The following ZNF451 variants were observed in gnomAD, a reference collection of about 807,000 sequenced individuals.
The protein encoded by ZNF451 is zinc finger protein 451.
Under a neutral mutation model 107.1 loss-of-function variants are expected in ZNF451, and 80 were observed. The ratio of observed to expected loss-of-function variants is 0.75; its 90% CI spans 0.62 to 0.90. The LOEUF is 0.90. ZNF451 is among the 40% of genes least tolerant of loss of function. The pLI is 0.00. For missense variants in ZNF451, 1,107 were observed against 1,236.2 expected (o/e 0.90, Z 1.57); for synonymous variants, 362 against 406.5 (o/e 0.89, Z 1.32).
chr6:57,160,824 C>T, intron 13 of ZNF451: 1 of 318,500 alleles, frequency 3.1e-6, no homozygotes. Context: ...TTGTGCTATG[C>T]AAGAGGCATT....
At chr6:57,149,530 C>T (rs1832247605) in intron 10 of ZNF451, among the ~76,000 whole-genome samples, 1 of 152,090 alleles carries the variant, frequency 6.6e-6, no homozygotes, top group South Asian at 2.1e-4. Flanking sequence ...CAGGTGTGAG[C>T]CACCACACCT....
intron 3 of ZNF451, chr6:57,104,778 A>G: frequency 1.0e-6 from 1 of 985,356 alleles, no homozygotes; most frequent in Non-Finnish European, 1.2e-6. Flanking sequence ...AGTAATAAGT[A>G]AAAGTATCCT....
chr6:57,099,265 AAAT>A, intron 3 of ZNF451, 124 bp downstream of exon 3: 1 of 745,920 alleles, frequency 1.3e-6, no homozygotes, highest in Non-Finnish European at 2.3e-6. Context: ...GAATGGGCTA[AAAT>A]AGGTAGTCCA....
chr6:57,141,527 C>T (rs2127974333), intron 8 of ZNF451, 72 bp downstream of exon 8: 2 of 1,351,482 alleles, frequency 1.5e-6, no homozygotes, highest in Admixed American at 2.1e-5. Flanking sequence ...CTTCTCAGAT[C>T]ATTCTTGAGA....
At chr6:57,131,734 AG>A (rs1038498241) in intron 5 of ZNF451, among the ~76,000 whole-genome samples, 9 of 152,198 alleles carry the variant, frequency 5.9e-5, no homozygotes, top group South Asian at 4.1e-4. Context: ...TTAAATGCTT[AG>A]GGGCTTTGTA....
rs1026841885 is a variant in ZNF451, at chr6:57,108,845, G to A, written c.186+9704G>A. 5 of 985,004 alleles carry A rather than the reference G, an allele frequency of 5.1e-6. No homozygotes were observed. The African/African-American group carries it at 8.7e-5, about 17-fold the overall frequency. 61.0% of individuals were successfully genotyped at this position (985,004 alleles called of 1,614,324 possible). A position where few individuals can be genotyped will look rare whatever the true frequency, so the allele number is the denominator to read the frequency against. Reference sequence around the variant, plus strand: ...GAGAGAAATTCATTCTTATTTTGCAGAAGAAGAACTGAAACTTCATTAAGT... The same window carrying A: ...GAGAGAAATTCATTCTTATTTTGCAAAAGAAGAACTGAAACTTCATTAAGT... On this transcript the variant is annotated intron_variant, in intron 3 of 14. Transcript: ENST00000370706.
intron 5 of ZNF451, among the ~76,000 whole-genome samples, chr6:57,129,649 G>T (rs978922278): frequency 6.6e-6 from 1 of 152,082 alleles, no homozygotes; most frequent in Admixed American, 6.6e-5. Flanking sequence ...ACTTATAAAA[G>T]AATTCTAATA....
intron 3 of ZNF451, chr6:57,105,807 A>T: frequency 1.0e-6 from 1 of 985,434 alleles, no homozygotes; most frequent in Non-Finnish European, 1.2e-6. Flanking sequence ...GGACATTTTT[A>T]AAAAGCAGTA....
At chr6:57,127,707 G>GTT (rs979259142) in intron 4 of ZNF451, among the ~76,000 whole-genome samples, 5 of 152,210 alleles carry the variant, frequency 3.3e-5, no homozygotes, top group African/African-American at 9.6e-5. Context: ...TGTACCTCAG[G>GTT]TTTTTCATCA....
chr6:57,152,370 C>CA lies in ZNF451; in HGVS notation c.2883+23dup. The CA allele has an allele frequency of 6.2e-7, 1 of 1,612,128 alleles. No homozygotes were observed. The highest frequency in any genetic ancestry group is 8.5e-7 in the Non-Finnish European group (1 of 1,179,506). ...TATGCATGTGAGTCATTGTTTTATT[C>CA]AAAATCTAATGTGAATCTCAGACCC... On this transcript the variant is annotated intron_variant, in intron 12 of 14. Coordinates refer to ENST00000370706, the MANE Select transcript of ZNF451 (RefSeq NM_001031623.3).
In ZNF451 at chr6:57,090,208, C is replaced by A. The variant is rs550274742; in HGVS notation, c.-46C>A. ...AGGGGATTCGTGGCGACGGCGGCGG[C>A]AGGGACAGCAGGAGCAGTGGTGCTG... On this transcript the variant is annotated 5_prime_UTR_variant, in exon 1 of 15. Coordinates refer to ENST00000370706, the MANE Select transcript of ZNF451 (RefSeq NM_001031623.3). The A allele has an allele frequency of 2.0e-5, 32 of 1,575,744 alleles. No individual in the cohort carries two copies. Among genetic ancestry groups the A allele is most frequent in the Middle Eastern group, 1.7e-4 (1 of 5,718 alleles).
intron 2 of ZNF451, 114 bp from the exon 3 acceptor site, chr6:57,098,947 T>C: frequency 1.5e-6 from 1 of 657,498 alleles, no homozygotes; most frequent in East Asian, 2.7e-5. Context: ...CCCACAAAGC[T>C]CCCTCTTCAG....
chr6:57,143,785 A>T (rs1831911815), intron 9 of ZNF451, among the ~76,000 whole-genome samples: 1 of 152,204 alleles, frequency 6.6e-6, no homozygotes, highest in Admixed American at 6.6e-5. Context: ...ATAGTAAAAA[A>T]ATGGGAACAT....
chr6:57,167,620 T>A (rs1365935817), intron 14 of ZNF451, among the ~76,000 whole-genome samples: 1 of 152,126 alleles, frequency 6.6e-6, no homozygotes, highest in Non-Finnish European at 1.5e-5. Flanking sequence ...CTTAGGGAGA[T>A]CACTGGTGCC....
chr6:57,114,837 A>G (rs1012329690), intron 3 of ZNF451: 3 of 152,212 alleles, frequency 2.0e-5, no homozygotes, highest in Non-Finnish European at 2.9e-5. Context: ...CTGATTGTAG[A>G]AAAATTAGAA....
chr6:57,147,925 A>G lies in ZNF451; in HGVS notation c.1840A>G (p.Met614Val), dbSNP rs1832154052. 1 of 1,614,034 alleles carries G rather than the reference A, an allele frequency of 6.2e-7. No homozygotes were observed. Among genetic ancestry groups the G allele is most frequent in the Admixed American group, 1.7e-5 (1 of 60,008 alleles). The change falls in exon 10 of 15, where the codon ATG becomes GTG. Residue 614 changes from methionine to valine, a missense_variant. By Grantham distance (21) the Met-to-Val change is conservative. This residue lies in a region of ZNF451 where 608 missense variants were observed against 649.2 expected (regional missense o/e 0.94). Transcript: ENST00000370706. ...ATGGCAATGCCGGATTTGTGAAGAT[A>G]TGTTTGATTCCCAGGAATATGTAAA... ...GKWQCRICEDMFDSQEYVKQH... is the reference protein window; with the variant it reads ...GKWQCRICEDVFDSQEYVKQH...
Position 57,147,964 on chromosome 6 carries a change from T to A in ZNF451, c.1879T>A (p.Ser627Thr). 6.2e-7 allele frequency: 1 copy of A among 1,614,118 alleles called. No homozygotes were observed. The highest frequency in any genetic ancestry group is 8.5e-7 in the Non-Finnish European group (1 of 1,179,980). ...GGAATATGTAAAACAGCACTGCATG[T>A]CTTTGGCAAGCCACAAGTTTCATAG... ...SQEYVKQHCM[S>T]LASHKFHRYS... is the part of the protein sequence containing the mutation. The change falls in exon 10 of 15, where the codon TCT becomes ACT. Residue 627 changes from serine to threonine, a missense_variant. Ser to Thr is a moderately conservative substitution (Grantham distance 58). Coordinates refer to ENST00000370706, the MANE Select transcript of ZNF451 (RefSeq NM_001031623.3).
intron 7 of ZNF451, among the ~76,000 whole-genome samples, chr6:57,136,696 A>T (rs538667755): frequency 6.6e-6 from 1 of 152,306 alleles, no homozygotes; most frequent in African/African-American, 2.4e-5. Context: ...CCCTATTCAT[A>T]TACTGAGTGT....
intron 14 of ZNF451, chr6:57,165,006 C>T (rs1174978836): frequency 6.6e-6 from 1 of 152,072 alleles, no homozygotes; most frequent in East Asian, 1.9e-4. Context: ...AATTCTGTAG[C>T]TTTTGTTTAT....
Sources: allele counts gnomAD v4.1 joint callset (sites outside exome capture counted in the v4.1 genomes callset), GRCh38; gene constraint gnomAD v4.1.1; regional missense constraint gnomAD v4.1.1; transcripts MANE v1.5; gene names NCBI Gene and HGNC (gene_info 2026-07-23, HGNC 2026-07-21).